The following SLC8A2 variants were observed in gnomAD, a reference collection of about 807,000 sequenced individuals.
SLC8A2 encodes solute carrier family 8 member A2, also known as sodium/calcium exchanger 2.
Under a neutral mutation model 70.2 loss-of-function variants are expected in SLC8A2, and 14 were observed. That is an observed-to-expected ratio of 0.20 (90% CI 0.13 to 0.31). The LOEUF (loss-of-function observed/expected upper bound fraction) is 0.31, where lower values mean the gene tolerates loss of function less well. SLC8A2 is among the 10% of genes least tolerant of loss of function. The pLI, the probability that SLC8A2 is intolerant of heterozygous loss-of-function variation, is 1.00. For missense variants in SLC8A2, 779 were observed against 1,320.1 expected (o/e 0.59, Z 6.35); for synonymous variants, 575 against 594.3 (o/e 0.97, Z 0.47).
chr19:47,469,487 C>T (rs1967506259), intron 1 of SLC8A2, among the ~76,000 whole-genome samples: 1 of 152,122 alleles, frequency 6.6e-6, no homozygotes, highest in African/African-American at 2.4e-5. Context: ...CAAGAGAGAC[C>T]ACAGCCAGGT....
rs969766555 is a variant in SLC8A2, at chr19:47,454,054, G to C, written c.1340+2876C>G. On this transcript the variant is annotated intron_variant, in intron 3 of 9. Transcript: ENST00000236877. ...CCAGCTACCTGGGAGGCTGAGATGG[G>C]AGGATCACTTGAGTCCAGGAGGTTG... Among the ~76,000 whole-genome samples the C allele has an allele frequency of 7.2e-5, 11 of 152,348 alleles. No individual in the cohort carries two copies. In the South Asian group the frequency reaches 8.3e-4, roughly 11 times the overall value.
chr19:47,442,490 C>T (rs1014477682), intron 4 of SLC8A2, among the ~76,000 whole-genome samples: 1 of 152,210 alleles, frequency 6.6e-6, no homozygotes, highest in Non-Finnish European at 1.5e-5. Context: ...CAGGCCTGCT[C>T]ATGCCTCAGG....
chr19:47,459,808 T>C (rs1310472814), intron 2 of SLC8A2, among the ~76,000 whole-genome samples: 3 of 152,158 alleles, frequency 2.0e-5, no homozygotes, highest in Non-Finnish European at 4.4e-5. Context: ...TGTGCGCACA[T>C]GTGTGTATGT....
At chr19:47,469,970 C>T (rs758220951) in intron 1 of SLC8A2, among the ~76,000 whole-genome samples, 2 of 152,174 alleles carry the variant, frequency 1.3e-5, no homozygotes, top group Non-Finnish European at 2.9e-5. Flanking sequence ...TGCAGTCTGG[C>T]GTGCCAGGTA....
At chr19:47,456,897 C>T (rs1379814084) in intron 3 of SLC8A2, 33 bp downstream of exon 3, 15 of 1,542,534 alleles carry the variant, frequency 9.7e-6, no homozygotes, top group Non-Finnish European at 1.2e-5. Context: ...CCTGCGCCAG[C>T]CCCCTGCACA....
Position 47,432,248 on chromosome 19 carries a change from C to T in SLC8A2, c.2308G>A (p.Ala770Thr). The T allele has an allele frequency of 1.2e-6, 2 of 1,613,964 alleles. No homozygotes were observed. The highest frequency in any genetic ancestry group is 1.1e-5 in the South Asian group (1 of 91,058). ...CCAACGGTGCAGCCGAAGTGGGAGG[C>T]GAGGTCCCCAATGAGGGCGGTGAGC... is the stretch of plus-strand genomic sequence containing the variant. ...GLLTALIGDL[A>T]SHFGCTVGLK... The change falls in exon 9 of 10, where the codon GCC (alanine) becomes ACC (threonine). Residue 770 changes from alanine (A) to threonine (T), a missense_variant. This residue lies in a region of SLC8A2 where 108 missense variants were observed against 269.6 expected (regional missense o/e 0.40). Transcript: ENST00000236877. The surrounding 1 kb of genome is among the most constrained non-coding windows in gnomAD (Gnocchi z 6.2).
rs1339228549 is a variant in SLC8A2, at chr19:47,447,914, C to T, written c.1658G>A (p.Gly553Asp). The T allele has an allele frequency of 6.4e-7, 1 of 1,569,194 alleles. No individual in the cohort carries two copies. Among genetic ancestry groups the T allele is most frequent in the Non-Finnish European group, 8.6e-7 (1 of 1,158,302 alleles). The change falls in exon 4 of 10, where the codon GGC becomes GAC. Residue 553 changes from glycine to aspartate, a missense_variant. By Grantham distance (94) the Gly-to-Asp change is moderately conservative. Around this residue, in one of 6 missense-constraint regions of SLC8A2, gnomAD observed 247 missense variants for 362.8 expected, o/e 0.68. Transcript: ENST00000236877. The surrounding 1 kb of genome is among the most constrained non-coding windows in gnomAD (Gnocchi z 5.1). ...CGTGCGGTAGGGAAGGCGCACGGTG[C>T]CGCGCGCGCCCGAGCTGCGCACGAC... Reference protein sequence around the residue: ...VRVVRSSGARGTVRLPYRTVD... With the variant: ...VRVVRSSGARDTVRLPYRTVD...
intron 6 of SLC8A2, among the ~76,000 whole-genome samples, chr19:47,440,071 C>T (rs1304127156): frequency 1.3e-5 from 2 of 152,252 alleles, no homozygotes; most frequent in East Asian, 3.9e-4. Context: ...AACTCTAATC[C>T]TAACCACGGA....
At chr19:47,450,714 T>G (rs1807654266) in intron 3 of SLC8A2, among the ~76,000 whole-genome samples, 1 of 152,098 alleles carries the variant, frequency 6.6e-6, no homozygotes, top group African/African-American at 2.4e-5. Flanking sequence ...TGGGCTGACC[T>G]GCTTCAAGCC....
At chr19:47,452,646 A>C (rs1967258762) in intron 3 of SLC8A2, among the ~76,000 whole-genome samples, 1 of 152,104 alleles carries the variant, frequency 6.6e-6, no homozygotes, top group Admixed American at 6.6e-5. Context: ...GGCTAGATTC[A>C]CAGGACTTAT....
chr19:47,455,567 T>C (rs1967294490), intron 3 of SLC8A2, among the ~76,000 whole-genome samples: 1 of 152,184 alleles, frequency 6.6e-6, no homozygotes, highest in Admixed American at 6.6e-5. Context: ...AATGTCATTA[T>C]GGGAAAGGGG....
intron 1 of SLC8A2, among the ~76,000 whole-genome samples, chr19:47,469,168 G>T (rs1448259875): frequency 6.6e-6 from 1 of 151,938 alleles, no homozygotes; most frequent in Non-Finnish European, 1.5e-5. Flanking sequence ...GCAAGGGTGG[G>T]GGAGAGGGGT....
Position 47,448,612 on chromosome 19 carries a change from G to C in SLC8A2, c.1341-381C>G, listed in dbSNP as rs1029050878. 9.2e-5 allele frequency among the ~76,000 whole-genome samples: 14 copies of C among 152,130 alleles called. No homozygotes were observed. The highest frequency in any genetic ancestry group is 3.4e-4 in the African/African-American group (14 of 41,412). ...AGTCCAAGAGTTGAGAGGGAGCCTGGGGTGTTCTACATCCCTGCTTCTCAA... is the reference window on the plus strand; with the variant it reads ...AGTCCAAGAGTTGAGAGGGAGCCTGCGGTGTTCTACATCCCTGCTTCTCAA... On this transcript the variant is annotated intron_variant, in intron 3 of 9. Coordinates refer to ENST00000236877, the MANE Select transcript of SLC8A2 (RefSeq NM_015063.3). This position sits in a 1 kb window ranked among gnomAD's most constrained non-coding sequence, Gnocchi z 4.8.
chr19:47,470,004 C>T (rs932419703), intron 1 of SLC8A2, among the ~76,000 whole-genome samples: 12 of 152,198 alleles, frequency 7.9e-5, no homozygotes, highest in Admixed American at 1.3e-4. Flanking sequence ...ATATCCCTCA[C>T]GCTACCACCC....
At chr19:47,442,225 C>T (rs1389932382) in intron 4 of SLC8A2, among the ~76,000 whole-genome samples, 2 of 152,186 alleles carry the variant, frequency 1.3e-5, no homozygotes, top group Non-Finnish European at 2.9e-5. Context: ...CCACTATGGT[C>T]TCCTACCTAG....
In SLC8A2 at chr19:47,441,526, A is replaced by G. The variant is rs1967099639; in HGVS notation, c.1764-86T>C. 3 of 734,426 alleles carry G rather than the reference A, an allele frequency of 4.1e-6. No homozygotes were observed. The African/African-American group carries it at 5.2e-5, about 13-fold the overall frequency. 45.5% of individuals were successfully genotyped at this position (734,426 alleles called of 1,614,324 possible). On this transcript the variant is annotated intron_variant, in intron 4 of 9. Transcript: ENST00000236877. Reference sequence around the variant, plus strand: ...CAGGCAACCCTCCTGGCAGCCACCCAGTTTTCCAAGCACCTCCTCTGTCCC... The same window carrying G: ...CAGGCAACCCTCCTGGCAGCCACCCGGTTTTCCAAGCACCTCCTCTGTCCC...
intron 3 of SLC8A2, among the ~76,000 whole-genome samples, chr19:47,454,006 C>T (rs886304338): frequency 2.0e-5 from 3 of 152,026 alleles, no homozygotes; most frequent in South Asian, 2.1e-4. Flanking sequence ...ATTAGCTGGG[C>T]GCTGTGGTGC....
chr19:47,451,111 C>T (rs546618559), intron 3 of SLC8A2, among the ~76,000 whole-genome samples: 12 of 147,558 alleles, frequency 8.1e-5, no homozygotes, highest in Non-Finnish European at 1.5e-4. Flanking sequence ...TGGGTTCAGG[C>T]GATTCTTCTG....
intron 3 of SLC8A2, among the ~76,000 whole-genome samples, chr19:47,452,427 AGAGAGAGAGAGAGAGAGAGT>A (rs769851298): frequency 2.9e-3 from 347 of 120,502 alleles, no homozygotes; most frequent in African/African-American, 5.8e-3. Flanking sequence ...AGAGAGAGAG[AGAGAGAGAGAGAGAGAGAGT>A]GTGTGTGTGT....
Sources: gnomAD v4.1 joint callset for allele counts (sites outside exome capture counted in the v4.1 genomes callset) on GRCh38, gnomAD v4.1.1 for gene constraint, gnomAD v4.1.1 regional missense constraint, Gnocchi (gnomAD v3.1) non-coding constraint, MANE v1.5 for transcripts, NCBI Gene and HGNC (gene_info 2026-07-23, HGNC 2026-07-21) for gene names.